KDM4C: variants seen among roughly 807,000 people sequenced by gnomAD.
KDM4C encodes the protein lysine-specific demethylase 4C.
A neutral mutation model predicts 129.3 loss-of-function variants in KDM4C; 81 were observed. The ratio of observed to expected loss-of-function variants is 0.63; its 90% CI spans 0.52 to 0.75. The LOEUF (loss-of-function observed/expected upper bound fraction) is 0.75. Ranked by LOEUF, KDM4C falls within the 30% of genes least tolerant of loss-of-function variation. KDM4C has a pLI of 0.00. For missense variants in KDM4C, 1,457 were observed against 1,304.0 expected, an observed-to-expected ratio of 1.12 and a Z score of -1.81; for synonymous variants, 573 against 456.1, an observed-to-expected ratio of 1.26 and a Z score of -3.26.
chr9:6,853,497 A>T (rs1162892675), intron 5 of KDM4C, among the ~76,000 whole-genome samples: 3 of 152,146 alleles, frequency 2.0e-5, no homozygotes, highest in Non-Finnish European at 4.4e-5. Context: ...TGTCTCAAAG[A>T]ATAAAAAAAT....
At chr9:6,823,247 T>G (rs1833330474) in intron 4 of KDM4C, among the ~76,000 whole-genome samples, 1 of 152,228 alleles carries the variant, frequency 6.6e-6, no homozygotes, top group Non-Finnish European at 1.5e-5. Flanking sequence ...CTTTCCAGTT[T>G]AAATGCCTCA....
chr9:6,759,862 A>G (rs571126305), intron 1 of KDM4C, among the ~76,000 whole-genome samples: 80 of 151,678 alleles, frequency 5.3e-4, no homozygotes, highest in African/African-American at 1.8e-3. Flanking sequence ...AATCACTTGA[A>G]TCCTGGAAGT....
intron 5 of KDM4C, among the ~76,000 whole-genome samples, chr9:6,851,176 A>G (rs930508477): frequency 6.6e-6 from 1 of 152,146 alleles, no homozygotes; most frequent in East Asian, 1.9e-4. Context: ...ATGGAGTCTT[A>G]GTGTGTTGTC....
At chr9:7,099,612 T>TA (rs1462889844) in intron 17 of KDM4C, among the ~76,000 whole-genome samples, 1 of 152,250 alleles carries the variant, frequency 6.6e-6, no homozygotes, top group African/African-American at 2.4e-5. Context: ...TTTAACCCTG[T>TA]AGCCTCTTGG....
intron 5 of KDM4C, among the ~76,000 whole-genome samples, chr9:6,857,524 A>G (rs1370441464): frequency 2.6e-5 from 4 of 152,194 alleles, no homozygotes; most frequent in Non-Finnish European, 5.9e-5. Context: ...ACCACTGCTC[A>G]GCACAGAATT....
intron 5 of KDM4C, among the ~76,000 whole-genome samples, chr9:6,864,703 T>C (rs1340392622): frequency 6.6e-6 from 1 of 151,924 alleles, no homozygotes. Flanking sequence ...TGTTGTTATT[T>C]CTTTGAGTAA....
At chr9:6,971,667 C>G (rs1832008207) in intron 8 of KDM4C, among the ~76,000 whole-genome samples, 1 of 152,092 alleles carries the variant, frequency 6.6e-6, no homozygotes, top group African/African-American at 2.4e-5. Flanking sequence ...ATTTCCTGGG[C>G]AAAGAAAGCT....
intron 5 of KDM4C, among the ~76,000 whole-genome samples, chr9:6,859,254 G>C (rs1237595768): frequency 2.0e-5 from 3 of 152,036 alleles, no homozygotes; most frequent in Admixed American, 6.6e-5. Flanking sequence ...GAGGCAGGCA[G>C]ATCACGAGGT....
chr9:6,795,706 T>C (rs1044502515), intron 2 of KDM4C, among the ~76,000 whole-genome samples: 1 of 151,874 alleles, frequency 6.6e-6, no homozygotes, highest in African/African-American at 2.4e-5. Flanking sequence ...GTGTCTCATT[T>C]TGTCACCCAA....
At chr9:7,029,293 G>GTT (rs59185392) in intron 15 of KDM4C, among the ~76,000 whole-genome samples, 7 of 141,644 alleles carry the variant, frequency 4.9e-5, no homozygotes, top group Non-Finnish European at 9.4e-5. Context: ...TCCCCCCACC[G>GTT]TTTTTTTTTT....
At chr9:7,071,825 A>G (rs1162277707) in intron 17 of KDM4C, among the ~76,000 whole-genome samples, 3 of 152,148 alleles carry the variant, frequency 2.0e-5, no homozygotes, top group African/African-American at 4.8e-5. Context: ...TTTTGAGTCT[A>G]CGGCCATACC....
At chr9:7,098,558 A>T (rs181363357) in intron 17 of KDM4C, among the ~76,000 whole-genome samples, 29 of 152,296 alleles carry the variant, frequency 1.9e-4, no homozygotes, top group Middle Eastern at 3.4e-3. Context: ...TATCACTCAT[A>T]TGTGGGTGAG....
chr9:6,909,263 C>T (rs190129943), intron 8 of KDM4C, among the ~76,000 whole-genome samples: 136 of 152,310 alleles, frequency 8.9e-4, no homozygotes, highest in Non-Finnish European at 1.4e-3. Context: ...CTGGAGTTCA[C>T]GATGTGGCCA....
chr9:6,938,846 CACT>C (rs1347519972), intron 8 of KDM4C, among the ~76,000 whole-genome samples: 1 of 139,244 alleles, frequency 7.2e-6, no homozygotes, highest in Non-Finnish European at 1.6e-5. Flanking sequence ...TTTTCAGATA[CACT>C]AATAATAAAA....
Position 6,739,035 on chromosome 9 carries a change from T to C in KDM4C, c.49+18038T>C, listed in dbSNP as rs115414771. Reference sequence around the variant, plus strand: ...GGGATTACGGGCATGAGCCTCCACATCCGGATTTTTTCCTTTGCAGATCTA... The same window carrying C: ...GGGATTACGGGCATGAGCCTCCACACCCGGATTTTTTCCTTTGCAGATCTA... On this transcript the variant is annotated intron_variant, in intron 1 of 17. Coordinates refer to the KDM4C transcript ENST00000536108. 9.6e-3 allele frequency among the ~76,000 whole-genome samples: 1,445 copies of C among 151,258 alleles called. 22 individuals are homozygous for C. The highest frequency in any genetic ancestry group is 0.033 in the African/African-American group (1,375 of 41,182).
intron 19 of KDM4C, among the ~76,000 whole-genome samples, chr9:7,156,044 C>G (rs970192820): frequency 9.2e-5 from 14 of 152,154 alleles, no homozygotes; most frequent in Non-Finnish European, 1.8e-4. Flanking sequence ...TTTTAATGAT[C>G]ACCATTCTAA....
At chr9:7,108,494 C>G (rs974352480) in intron 18 of KDM4C, among the ~76,000 whole-genome samples, 2 of 152,168 alleles carry the variant, frequency 1.3e-5, no homozygotes, top group Admixed American at 1.3e-4. Context: ...GCCTTGGCCT[C>G]CCAAAGTGCT....
intron 8 of KDM4C, among the ~76,000 whole-genome samples, chr9:6,919,851 A>G: frequency 6.6e-6 from 1 of 152,154 alleles, no homozygotes; most frequent in East Asian, 1.9e-4. Context: ...CTAGGATTAT[A>G]GGTGTGAGCC....
chr9:6,751,216 C>T (rs1195549544), intron 1 of KDM4C, among the ~76,000 whole-genome samples: 2 of 152,126 alleles, frequency 1.3e-5, no homozygotes, highest in Non-Finnish European at 2.9e-5. Flanking sequence ...GAGGCTGAGG[C>T]TGGCGGATTG....
Sources: gnomAD v4.1 joint callset for allele counts (sites outside exome capture counted in the v4.1 genomes callset) on GRCh38, gnomAD v4.1.1 for gene constraint, MANE v1.5 for transcripts, NCBI Gene and HGNC (gene_info 2026-07-23, HGNC 2026-07-21) for gene names.